Variants in GALNT13 observed in about 807,000 individuals in gnomAD.
GALNT13 encodes the protein UDP-GalNAc:polypeptide N-acetylgalactosaminyltransferase 13.
Under a neutral mutation model 64.2 loss-of-function variants are expected in GALNT13, and 28 were observed. The ratio of observed to expected loss-of-function variants is 0.44; its 90% CI spans 0.32 to 0.60. GALNT13 has a LOEUF of 0.60. Ranked by LOEUF, GALNT13 falls within the 20% of genes least tolerant of loss-of-function variation. The pLI, the probability that GALNT13 is intolerant of heterozygous loss-of-function variation, is 0.05. For synonymous variants in GALNT13, 214 were observed against 224.6 expected (o/e 0.95, Z 0.42); for missense variants, 577 against 669.8 (o/e 0.86, Z 1.53).
chr2:153,254,954 G>C, the GALNT13 span, among the ~76,000 whole-genome samples: 1 of 152,218 alleles, frequency 6.6e-6, no homozygotes, highest in East Asian at 1.9e-4. Context: ...TGTTGATTTT[G>C]GGTGGAGAGT....
the GALNT13 span, among the ~76,000 whole-genome samples, chr2:153,265,077 CTCT>C: frequency 6.6e-6 from 1 of 152,174 alleles, no homozygotes; most frequent in African/African-American, 2.4e-5. Flanking sequence ...ACTGTCCCTT[CTCT>C]TCTTCTGAAA....
the GALNT13 span, among the ~76,000 whole-genome samples, chr2:153,546,698 A>G: frequency 6.6e-6 from 1 of 152,214 alleles, no homozygotes; most frequent in Non-Finnish European, 1.5e-5. Context: ...TAGATGCAAA[A>G]TACCTTGTCA....
At chr2:153,272,706 G>C in the GALNT13 span, among the ~76,000 whole-genome samples, 2 of 152,118 alleles carry the variant, frequency 1.3e-5, no homozygotes, top group Admixed American at 6.6e-5. Flanking sequence ...AAGAGAATGT[G>C]GCAATTTCTC....
At chr2:154,097,923 A>T (rs1702153228) in intron 3 of GALNT13, among the ~76,000 whole-genome samples, 2 of 152,140 alleles carry the variant, frequency 1.3e-5, no homozygotes, top group African/African-American at 4.8e-5. Context: ...AAGGATAACA[A>T]CTAATTTAAT....
chr2:153,912,230 G>T (rs1003143931), intron 2 of GALNT13, among the ~76,000 whole-genome samples: 1 of 151,920 alleles, frequency 6.6e-6, no homozygotes, highest in East Asian at 1.9e-4. Flanking sequence ...TGAAATTCTT[G>T]TAGTGTTTTT....
intron 9 of GALNT13, among the ~76,000 whole-genome samples, chr2:154,336,578 T>C (rs980764699): frequency 3.9e-5 from 6 of 152,144 alleles, no homozygotes; most frequent in Non-Finnish European, 8.8e-5. Context: ...AATCCTTTTA[T>C]AATTTAATTT....
At chr2:154,159,784 T>C (rs1020583730) in intron 4 of GALNT13, among the ~76,000 whole-genome samples, 10 of 152,124 alleles carry the variant, frequency 6.6e-5, no homozygotes, top group Non-Finnish European at 2.9e-5. Flanking sequence ...CTATAACAAA[T>C]CAGAGTGTAA....
chr2:153,996,162 A>G (rs1315289270), intron 3 of GALNT13, among the ~76,000 whole-genome samples: 4 of 152,184 alleles, frequency 2.6e-5, no homozygotes, highest in African/African-American at 9.6e-5. Context: ...TCTTCAGCAT[A>G]CTGATTTCAT....
At chr2:153,555,059 C>T in the GALNT13 span, among the ~76,000 whole-genome samples, 1 of 151,894 alleles carries the variant, frequency 6.6e-6, no homozygotes, top group Non-Finnish European at 1.5e-5. Context: ...CTCTGTAGTA[C>T]CTTTTAAAAA....
the GALNT13 span, among the ~76,000 whole-genome samples, chr2:153,190,519 G>T: frequency 3.3e-5 from 5 of 151,944 alleles, no homozygotes; most frequent in Non-Finnish European, 7.4e-5. Context: ...GTAGTATGAT[G>T]CCTCTAGTTT....
the GALNT13 span, among the ~76,000 whole-genome samples, chr2:153,803,782 A>G: frequency 6.6e-6 from 1 of 151,932 alleles, no homozygotes; most frequent in African/African-American, 2.4e-5. Flanking sequence ...AGGTCATATG[A>G]GCACACTGCA....
At chr2:153,662,835 A>G in the GALNT13 span, among the ~76,000 whole-genome samples, 1 of 152,200 alleles carries the variant, frequency 6.6e-6, no homozygotes, top group Non-Finnish European at 1.5e-5. Flanking sequence ...TGGAAAACCA[A>G]AAGTCAATGT....
the GALNT13 span, among the ~76,000 whole-genome samples, chr2:153,621,450 G>T: frequency 6.6e-6 from 1 of 152,070 alleles, no homozygotes; most frequent in Non-Finnish European, 1.5e-5. Flanking sequence ...CCACTCCCTG[G>T]CTACTGCCAA....
chr2:154,405,682 C>G (rs1422420644), intron 10 of GALNT13, among the ~76,000 whole-genome samples: 1 of 151,798 alleles, frequency 6.6e-6, no homozygotes, highest in Non-Finnish European at 1.5e-5. Flanking sequence ...CCACTGCACT[C>G]CAGCCTGGGC....
chr2:153,196,081 TC>T, the GALNT13 span, among the ~76,000 whole-genome samples: 1 of 152,164 alleles, frequency 6.6e-6, no homozygotes, highest in Non-Finnish European at 1.5e-5. Context: ...CACTGACTGG[TC>T]CTTGGGCCAC....
At chr2:153,894,967 TA>T (rs1216492831) in intron 1 of GALNT13, among the ~76,000 whole-genome samples, 2 of 152,142 alleles carry the variant, frequency 1.3e-5, no homozygotes, top group Non-Finnish European at 2.9e-5. Flanking sequence ...AAAGTAAGAC[TA>T]AAAGTGTTTA....
the GALNT13 span, among the ~76,000 whole-genome samples, chr2:153,510,799 A>G: frequency 1.3e-5 from 2 of 151,928 alleles, no homozygotes; most frequent in African/African-American, 2.4e-5. Context: ...AGAGACAGAG[A>G]CTGTGGTTGG....
At chr2:153,113,982 C>T in the GALNT13 span, among the ~76,000 whole-genome samples, 1 of 152,064 alleles carries the variant, frequency 6.6e-6, no homozygotes, top group Non-Finnish European at 1.5e-5. Context: ...AGAAGTTCTT[C>T]CCAATGTTTT....
intron 3 of GALNT13, among the ~76,000 whole-genome samples, chr2:154,073,236 G>A (rs994077350): frequency 1.3e-5 from 2 of 151,164 alleles, no homozygotes; most frequent in African/African-American, 4.9e-5. Context: ...GACTGTTTGA[G>A]TTGCAAAATA....
Sources: allele counts gnomAD v4.1 joint callset (sites outside exome capture counted in the v4.1 genomes callset), GRCh38; gene constraint gnomAD v4.1.1; transcripts MANE v1.5; gene names NCBI Gene and HGNC (gene_info 2026-07-23, HGNC 2026-07-21).